UBE2E2: variants seen among roughly 807,000 people sequenced by gnomAD.
UBE2E2 encodes the protein ubiquitin conjugating enzyme E2 E2, also known as ubiquitin-conjugating enzyme E2 E2.
UBE2E2 carries 6 observed loss-of-function variants against 24.7 expected under a neutral mutation model. The observed-to-expected ratio is 0.24, with a 90% CI of 0.13 to 0.48. The LOEUF is 0.48. UBE2E2 is among the 20% of genes least tolerant of loss of function. UBE2E2 has a pLI of 0.99. For missense variants in UBE2E2, 169 were observed against 245.0 expected (o/e 0.69, Z 2.07); for synonymous variants, 104 against 83.6 (o/e 1.24, Z -1.33).
chr3:23,569,855 C>G (rs957777008), intron 5 of UBE2E2, among the ~76,000 whole-genome samples: 7 of 152,070 alleles, frequency 4.6e-5, no homozygotes, highest in African/African-American at 1.7e-4. Flanking sequence ...AATATTTTAT[C>G]AAGTATATAC....
intron 2 of UBE2E2, among the ~76,000 whole-genome samples, chr3:23,212,391 G>A (rs1696353642): frequency 6.6e-6 from 1 of 152,256 alleles, no homozygotes; most frequent in East Asian, 1.9e-4. Context: ...TATATCTGCA[G>A]TGACAGATTT....
intron 3 of UBE2E2, among the ~76,000 whole-genome samples, chr3:23,403,980 C>T (rs774331357): frequency 1.3e-5 from 2 of 152,166 alleles, no homozygotes; most frequent in Non-Finnish European, 2.9e-5. Flanking sequence ...CCTTCTTCTT[C>T]CTGTCTTCTC....
At chr3:23,483,729 T>G (rs1381246917) in intron 3 of UBE2E2, among the ~76,000 whole-genome samples, 2 of 152,214 alleles carry the variant, frequency 1.3e-5, no homozygotes, top group African/African-American at 4.8e-5. Context: ...CTCCATAGTC[T>G]GTAATAGTAG....
At chr3:23,294,198 A>G (rs1354288162) in intron 3 of UBE2E2, among the ~76,000 whole-genome samples, 1 of 152,248 alleles carries the variant, frequency 6.6e-6, no homozygotes, top group Non-Finnish European at 1.5e-5. Flanking sequence ...GAAAATATTT[A>G]AATAACCTTG....
chr3:23,251,614 A>G (rs961934502), intron 3 of UBE2E2, among the ~76,000 whole-genome samples: 1 of 152,222 alleles, frequency 6.6e-6, no homozygotes, highest in East Asian at 1.9e-4. Context: ...ATTACCTTAA[A>G]TAAGTAATAG....
At chr3:23,328,768 T>C (rs991883584) in intron 3 of UBE2E2, among the ~76,000 whole-genome samples, 11 of 152,064 alleles carry the variant, frequency 7.2e-5, no homozygotes, top group African/African-American at 2.4e-4. Context: ...TTCAAGCGAT[T>C]CTCCTGCCTC....
intron 3 of UBE2E2, among the ~76,000 whole-genome samples, chr3:23,369,549 T>A (rs544046021): frequency 6.6e-6 from 1 of 152,282 alleles, no homozygotes; most frequent in South Asian, 2.1e-4. Flanking sequence ...GCTCTGTTGC[T>A]ATTTCTCACT....
At chr3:23,449,885 C>A in intron 3 of UBE2E2, 1 of 985,458 alleles carries the variant, frequency 1.0e-6, no homozygotes, top group Non-Finnish European at 1.2e-6. Context: ...TGGGGAAGGT[C>A]CCACCAGTGC....
intron 5 of UBE2E2, among the ~76,000 whole-genome samples, chr3:23,566,396 A>G (rs1291092623): frequency 1.3e-5 from 2 of 152,180 alleles, no homozygotes; most frequent in South Asian, 2.1e-4. Flanking sequence ...TGTATAAGAG[A>G]CTGAAACTTG....
chr3:23,413,420 C>T (rs1697543552), intron 3 of UBE2E2, among the ~76,000 whole-genome samples: 1 of 152,100 alleles, frequency 6.6e-6, no homozygotes, highest in South Asian at 2.1e-4. Context: ...TTTCAAGTTA[C>T]AACCATCATC....
chr3:23,274,918 A>T (rs530502975), intron 3 of UBE2E2, among the ~76,000 whole-genome samples: 1 of 152,226 alleles, frequency 6.6e-6, no homozygotes, highest in Admixed American at 6.5e-5. Flanking sequence ...TATAAAATCA[A>T]TAATAATTAC....
intron 3 of UBE2E2, among the ~76,000 whole-genome samples, chr3:23,237,712 CATT>C (rs1478988781): frequency 1.3e-5 from 2 of 152,058 alleles, no homozygotes; most frequent in Non-Finnish European, 2.9e-5. Context: ...ACTTTTGCTT[CATT>C]CTTACAGGTA....
intron 4 of UBE2E2, among the ~76,000 whole-genome samples, chr3:23,518,291 G>A (rs939492694): frequency 1.3e-5 from 2 of 152,156 alleles, no homozygotes; most frequent in African/African-American, 4.8e-5. Flanking sequence ...GAGAAGAACA[G>A]AAGAGAGAGA....
At chr3:23,427,259 C>CA (rs74787665) in intron 3 of UBE2E2, among the ~76,000 whole-genome samples, 5,684 of 88,372 alleles carry the variant, frequency 0.064, 159 homozygotes, top group East Asian at 0.16. Flanking sequence ...CCATCTCTAC[C>CA]AAAAAAAAAA....
chr3:23,383,299 G>A (rs558615782), intron 3 of UBE2E2, among the ~76,000 whole-genome samples: 21 of 152,208 alleles, frequency 1.4e-4, no homozygotes, highest in African/African-American at 4.8e-4. Flanking sequence ...ATGTAGAAAT[G>A]TTCAGTGAGC....
chr3:23,332,102 A>T (rs1695073862), intron 3 of UBE2E2, among the ~76,000 whole-genome samples: 1 of 151,920 alleles, frequency 6.6e-6, no homozygotes, highest in Admixed American at 6.6e-5. Context: ...TATTAATGCT[A>T]TTGCTGTATA....
chr3:23,332,959 G>A (rs1182577189), intron 3 of UBE2E2, among the ~76,000 whole-genome samples: 8 of 152,200 alleles, frequency 5.3e-5, no homozygotes, highest in South Asian at 2.1e-4. Flanking sequence ...TATACGTTTC[G>A]TTTTACAGGT....
At chr3:23,307,061 G>T (rs1431417037) in intron 3 of UBE2E2, among the ~76,000 whole-genome samples, 2 of 152,012 alleles carry the variant, frequency 1.3e-5, no homozygotes, top group Non-Finnish European at 2.9e-5. Flanking sequence ...GATATTTTTG[G>T]TACGATATTA....
chr3:23,354,929 C>T (rs962232886), intron 3 of UBE2E2, among the ~76,000 whole-genome samples: 8 of 152,006 alleles, frequency 5.3e-5, no homozygotes, highest in African/African-American at 9.7e-5. Context: ...CACATGCACA[C>T]GTATGTTTAT....
Sources: allele counts gnomAD v4.1 joint callset (sites outside exome capture counted in the v4.1 genomes callset), GRCh38; gene constraint gnomAD v4.1.1; transcripts MANE v1.5; gene names NCBI Gene and HGNC (gene_info 2026-07-23, HGNC 2026-07-21).